The following SLC44A3 variants were observed in gnomAD, a reference collection of about 807,000 sequenced individuals.
SLC44A3 encodes solute carrier family 44 member 3.
A neutral mutation model predicts 75.4 loss-of-function variants in SLC44A3; 74 were observed. The observed-to-expected ratio is 0.98, with a 90% CI of 0.81 to 1.19. The LOEUF (loss-of-function observed/expected upper bound fraction) is 1.19. SLC44A3 is among the 50% of genes most tolerant of loss of function. SLC44A3 has a pLI of 0.00. For synonymous variants in SLC44A3, 310 were observed against 296.9 expected (o/e 1.04, Z -0.45); for missense variants, 700 against 778.6 (o/e 0.90, Z 1.20).
chr1:94,847,106 G>T (rs947133), intron 9 of SLC44A3, among the ~76,000 whole-genome samples: 36,519 of 151,930 alleles, frequency 0.24, 4,747 homozygotes, highest in African/African-American at 0.35. Flanking sequence ...GGTCAAAAGG[G>T]TATAATCCAT....
intron 10 of SLC44A3, among the ~76,000 whole-genome samples, chr1:94,858,522 G>C (rs1666182012): frequency 6.6e-6 from 1 of 152,138 alleles, no homozygotes; most frequent in African/African-American, 2.4e-5. Flanking sequence ...ACTGGGCTCA[G>C]AAAGAGAAGT....
intron 12 of SLC44A3, among the ~76,000 whole-genome samples, chr1:94,878,422 T>C (rs2101587959): frequency 6.6e-6 from 1 of 152,262 alleles, no homozygotes; most frequent in Admixed American, 6.5e-5. Flanking sequence ...ACGCCCTCAG[T>C]ATCAGCCCCG....
intron 12 of SLC44A3, among the ~76,000 whole-genome samples, chr1:94,875,569 C>T (rs1481333835): frequency 6.6e-6 from 1 of 152,206 alleles, no homozygotes; most frequent in Non-Finnish European, 1.5e-5. Context: ...TCTACATGAG[C>T]TGCCCTGGGG....
At chr1:94,821,117 C>T (rs1660515576) in intron 2 of SLC44A3, 61 bp downstream of exon 2, 2 of 1,336,056 alleles carry the variant, frequency 1.5e-6, no homozygotes, top group Non-Finnish European at 2.0e-6. Flanking sequence ...GGAAATAACT[C>T]TGTCCCAAAT....
intron 12 of SLC44A3, among the ~76,000 whole-genome samples, chr1:94,870,302 T>C (rs1667614059): frequency 1.3e-5 from 2 of 152,116 alleles, no homozygotes. Context: ...GATACAGAGG[T>C]GATACAGAGT....
chr1:94,844,706 TG>T (rs985635868), intron 8 of SLC44A3, among the ~76,000 whole-genome samples: 1 of 152,048 alleles, frequency 6.6e-6, no homozygotes, highest in African/African-American at 2.4e-5. Flanking sequence ...AAGAATGAGT[TG>T]GGGTATGGAA....
chr1:94,857,617 A>G, intron 10 of SLC44A3, 117 bp downstream of exon 10: 3 of 1,067,574 alleles, frequency 2.8e-6, no homozygotes, highest in East Asian at 2.8e-5. Context: ...GAAGTTGGCA[A>G]GAATAAAAGA....
intron 10 of SLC44A3, among the ~76,000 whole-genome samples, chr1:94,858,926 G>C (rs1666239149): frequency 2.0e-5 from 3 of 152,114 alleles, no homozygotes; most frequent in Non-Finnish European, 4.4e-5. Flanking sequence ...TCTTGACCTT[G>C]TGATCCACCC....
chr1:94,859,887 C>T (rs2101330076), intron 10 of SLC44A3, among the ~76,000 whole-genome samples: 1 of 152,196 alleles, frequency 6.6e-6, no homozygotes, highest in East Asian at 1.9e-4. Flanking sequence ...ACTGCCTAAC[C>T]CAAAGTAAAG....
chr1:94,853,898 A>G (rs1192967981), intron 9 of SLC44A3, among the ~76,000 whole-genome samples: 1 of 149,230 alleles, frequency 6.7e-6, no homozygotes, highest in African/African-American at 2.5e-5. Flanking sequence ...TGTTCCGCCT[A>G]ATAGCTGAGG....
chr1:94,866,298 T>A, intron 11 of SLC44A3, among the ~76,000 whole-genome samples: 1 of 152,202 alleles, frequency 6.6e-6, no homozygotes, highest in Non-Finnish European at 1.5e-5. Flanking sequence ...CGGCCTTTCA[T>A]AAATCTAAAA....
In SLC44A3 at chr1:94,837,842, C is replaced by A. The variant is rs111998195; in HGVS notation, c.641C>A (p.Thr214Lys). ...AGTGGAATCATGTCGGGAAGAGATACAATCCTTGGCCTGTGTATCCTCGCA... is the reference window on the plus strand; with the variant it reads ...AGTGGAATCATGTCGGGAAGAGATAAAATCCTTGGCCTGTGTATCCTCGCA... ...ILSGIMSGRD[T>K]ILGLCILALA... Residue 214 changes from threonine (T) to lysine (K), a missense_variant, in exon 6 of 15, where the codon ACA (threonine) becomes AAA (lysine). By Grantham distance (78) the Thr-to-Lys change is moderately conservative. Transcript: ENST00000271227. 4.3e-6 allele frequency: 7 copies of A among 1,609,398 alleles called. No individual in the cohort carries two copies. Among genetic ancestry groups the A allele is most frequent in the Admixed American group, 1.7e-5 (1 of 58,812 alleles).
At chr1:94,882,304 A>T (rs951458917) in intron 12 of SLC44A3, among the ~76,000 whole-genome samples, 1 of 152,160 alleles carries the variant, frequency 6.6e-6, no homozygotes, top group Non-Finnish European at 1.5e-5. Flanking sequence ...TGCTGCCTGG[A>T]GTTCCTTGCC....
intron 9 of SLC44A3, among the ~76,000 whole-genome samples, chr1:94,849,904 G>C (rs959647061): frequency 6.6e-6 from 1 of 151,984 alleles, no homozygotes; most frequent in African/African-American, 2.4e-5. Flanking sequence ...ATGCCACTAT[G>C]CCTAGCTAAT....
chr1:94,824,687 T>C (rs1485010334), intron 3 of SLC44A3, 52 bp downstream of exon 3: 2 of 1,483,154 alleles, frequency 1.3e-6, no homozygotes, highest in Non-Finnish European at 8.9e-7. Context: ...CTCAAAACTT[T>C]GTATAAATTC....
intron 11 of SLC44A3, 123 bp downstream of exon 11, chr1:94,865,022 C>T (rs1459234510): frequency 5.5e-6 from 5 of 912,560 alleles, no homozygotes; most frequent in Non-Finnish European, 8.2e-6. Context: ...GTGCAGAAAG[C>T]TCCTGCACTC....
At chr1:94,846,783 TCAAATCAGCAAGGCTGATGC>T (rs1256538214) in intron 9 of SLC44A3, among the ~76,000 whole-genome samples, 1 of 152,244 alleles carries the variant, frequency 6.6e-6, no homozygotes, top group African/African-American at 2.4e-5. Flanking sequence ...ACAGCTGATG[TCAAATCAGCAAGGCTGATGC>T]AGTTCCTTAA....
chr1:94,871,003 G>C (rs560120971), intron 12 of SLC44A3, among the ~76,000 whole-genome samples: 1 of 152,328 alleles, frequency 6.6e-6, no homozygotes, highest in East Asian at 1.9e-4. Flanking sequence ...TTGAGATAGT[G>C]TCTCCAGTTT....
chr1:94,894,767 TCAA>T (rs1670594180), intron 14 of SLC44A3, 48 bp from the exon 15 acceptor site: 1 of 1,492,922 alleles, frequency 6.7e-7, no homozygotes, highest in Non-Finnish European at 9.2e-7. Context: ...CCCTACGTTA[TCAA>T]CAGTACAGAC....
Sources: gnomAD v4.1 joint callset for allele counts (sites outside exome capture counted in the v4.1 genomes callset) on GRCh38, gnomAD v4.1.1 for gene constraint, MANE v1.5 for transcripts, NCBI Gene and HGNC (gene_info 2026-07-23, HGNC 2026-07-21) for gene names.